SLC39A10: variants seen among roughly 807,000 people sequenced by gnomAD.
SLC39A10 encodes the protein zinc transporter ZIP10.
In SLC39A10, 13 loss-of-function variants were observed where a neutral mutation model predicts 65.1. The ratio of observed to expected loss-of-function variants is 0.20; its 90% CI spans 0.13 to 0.32. SLC39A10 has a LOEUF of 0.32. Ranked by LOEUF, SLC39A10 falls within the 10% of genes least tolerant of loss-of-function variation. The probability of loss-of-function intolerance (pLI) is 1.00; values close to 1 mark genes in which losing one functional copy is unlikely to be tolerated. For missense variants in SLC39A10, 831 were observed against 1,018.4 expected, an observed-to-expected ratio of 0.82 and a Z score of 2.50; for synonymous variants, 321 against 342.2, an observed-to-expected ratio of 0.94 and a Z score of 0.68.
chr2:195,725,908 A>G (rs1271406779), intron 8 of SLC39A10, among the ~76,000 whole-genome samples: 2 of 152,320 alleles, frequency 1.3e-5, no homozygotes, highest in East Asian at 1.9e-4. Context: ...AGGCAAAATT[A>G]CAGGAACAGA....
Position 195,657,499 on chromosome 2 carries a change from G to C in SLC39A10, c.-12+218G>C, listed in dbSNP as rs1689194202. On this transcript the variant is annotated intron_variant, in intron 1 of 9. Coordinates refer to ENST00000359634, the MANE Select transcript of SLC39A10 (RefSeq NM_020342.3). ...AGAGCGCGTGGTGGGCAGAGTGTTG[G>C]GCGCCGCGGCTCCTCGTGTGCGGTC... 7 of 985,480 alleles carry C rather than the reference G, an allele frequency of 7.1e-6. No individual in the cohort carries two copies. In the South Asian group the frequency reaches 2.8e-4, roughly 40 times the overall value. The allele number at this position is 985,480 out of a possible 1,614,324, so 61.0% of individuals were successfully genotyped here. A position where few individuals can be genotyped will look rare whatever the true frequency, so the allele number is the denominator to read the frequency against.
In SLC39A10 at chr2:195,649,003, T is replaced by C. The variant is rs1008691947; in HGVS notation, c.-11-31029T>C. Among the ~76,000 whole-genome samples the C allele has an allele frequency of 1.1e-4, 17 of 152,268 alleles. 1 individual carries two copies. Among genetic ancestry groups the C allele is most frequent in the Non-Finnish European group, 1.8e-4 (12 of 68,014 alleles). On this transcript the variant is annotated intron_variant, in intron 2 of 2. Transcript: ENST00000458054. ...ATGAAACTTGGGTGTGATGAAATCATTGGAGGCTGTAGGTGAGATCATCTA... is the reference window on the plus strand; with the variant it reads ...ATGAAACTTGGGTGTGATGAAATCACTGGAGGCTGTAGGTGAGATCATCTA...
At chr2:195,697,832 A>G (rs1691026632) in intron 3 of SLC39A10, among the ~76,000 whole-genome samples, 1 of 152,192 alleles carries the variant, frequency 6.6e-6, no homozygotes, top group South Asian at 2.1e-4. Context: ...GCTCCACATC[A>G]CTGATTATTA....
upstream of SLC39A10, among the ~76,000 whole-genome samples, chr2:195,652,616 T>C (rs984161659): frequency 6.6e-6 from 1 of 151,510 alleles, no homozygotes; most frequent in Non-Finnish European, 1.5e-5. Flanking sequence ...AAGGTTCTTA[T>C]TATGCCGATG....
chr2:195,735,291 T>C lies in SLC39A10; in HGVS notation c.*250T>C. 1 of 303,330 alleles carries C rather than the reference T, an allele frequency of 3.3e-6. No individual in the cohort carries two copies. Among genetic ancestry groups the C allele is most frequent in the Non-Finnish European group, 6.0e-6 (1 of 166,660 alleles). The allele number at this position is 303,330 out of a possible 1,614,324, so 18.8% of individuals were successfully genotyped here. ...GACTCCATGAACCAGTGTTGATATG[T>C]TTGATTAAGACTTTTCACAAAATAA... On this transcript the variant is annotated 3_prime_UTR_variant, in exon 10 of 10. Coordinates refer to ENST00000359634, the MANE Select transcript of SLC39A10 (RefSeq NM_020342.3).
At chr2:195,699,838 G>C (rs1691109211) in intron 3 of SLC39A10, among the ~76,000 whole-genome samples, 1 of 152,076 alleles carries the variant, frequency 6.6e-6, no homozygotes, top group Non-Finnish European at 1.5e-5. Flanking sequence ...CTGCTGGATA[G>C]CTGTTTTATT....
chr2:195,690,138 T>C (rs949041582), intron 3 of SLC39A10, among the ~76,000 whole-genome samples: 2 of 114,050 alleles, frequency 1.8e-5, no homozygotes, highest in Admixed American at 1.3e-4. Flanking sequence ...ATCACACCAC[T>C]GCACTCCAGA....
intron 2 of SLC39A10, among the ~76,000 whole-genome samples, chr2:195,683,331 A>C (rs932094655): frequency 6.6e-6 from 1 of 152,070 alleles, no homozygotes; most frequent in Non-Finnish European, 1.5e-5. Flanking sequence ...AAATCTATTT[A>C]ATCTGTTTCA....
upstream of SLC39A10, among the ~76,000 whole-genome samples, chr2:195,655,363 C>T (rs1689124409): frequency 6.6e-6 from 1 of 152,128 alleles, no homozygotes; most frequent in African/African-American, 2.4e-5. Context: ...ACTAAAAAAG[C>T]AGTGTAGGTG....
intron 2 of SLC39A10, among the ~76,000 whole-genome samples, chr2:195,617,704 C>CGTTTCTTTTATTTTATTTTA (rs1688247313): frequency 7.2e-6 from 1 of 138,034 alleles, no homozygotes; most frequent in Non-Finnish European, 1.6e-5. Flanking sequence ...GACCTTGTTT[C>CGTTTCTTTTATTTTATTTTA]TTTTCTTTTC....
chr2:195,718,982 G>A (rs928840924), intron 8 of SLC39A10, among the ~76,000 whole-genome samples: 2 of 151,674 alleles, frequency 1.3e-5, no homozygotes, highest in Non-Finnish European at 2.9e-5. Context: ...AATCTAGTAT[G>A]TGTTTCTTAT....
At chr2:195,687,919 G>C (rs1174095499) in intron 3 of SLC39A10, among the ~76,000 whole-genome samples, 1 of 152,226 alleles carries the variant, frequency 6.6e-6, no homozygotes, top group Non-Finnish European at 1.5e-5. Flanking sequence ...TGCTGAAGCA[G>C]TGTAGAAAAC....
chr2:195,693,555 C>G (rs181525417), intron 3 of SLC39A10, among the ~76,000 whole-genome samples: 32 of 152,060 alleles, frequency 2.1e-4, no homozygotes, highest in Middle Eastern at 3.4e-3. Flanking sequence ...AGGAATTTAT[C>G]CATCTCATCT....
intron 6 of SLC39A10, among the ~76,000 whole-genome samples, chr2:195,715,157 GAA>G (rs1210579023): frequency 6.6e-6 from 1 of 152,070 alleles, no homozygotes; most frequent in Non-Finnish European, 1.5e-5. Flanking sequence ...TGATTTTAAA[GAA>G]AATAAGTGAT....
At chr2:195,620,997 T>G (rs1269548361) in intron 2 of SLC39A10, among the ~76,000 whole-genome samples, 2 of 152,188 alleles carry the variant, frequency 1.3e-5, no homozygotes, top group African/African-American at 4.8e-5. Context: ...AGAGAATCCT[T>G]GCTCCAAAAA....
intron 5 of SLC39A10, among the ~76,000 whole-genome samples, chr2:195,713,184 C>T (rs549940869): frequency 3.2e-4 from 49 of 152,232 alleles, no homozygotes; most frequent in Non-Finnish European, 6.6e-4. Flanking sequence ...GTACTGTGTG[C>T]TCTGTTCTTA....
chr2:195,722,599 C>G (rs921054441), intron 8 of SLC39A10, among the ~76,000 whole-genome samples: 5 of 152,202 alleles, frequency 3.3e-5, no homozygotes. Flanking sequence ...ATACAAGCTT[C>G]TTCCTCAGAA....
At chr2:195,724,134 G>A (rs1209064846) in intron 8 of SLC39A10, among the ~76,000 whole-genome samples, 2 of 152,054 alleles carry the variant, frequency 1.3e-5, no homozygotes, top group Non-Finnish European at 2.9e-5. Flanking sequence ...CAAGAATAAA[G>A]AACCTTAAAA....
At chr2:195,722,276 T>C (rs1574314404) in intron 8 of SLC39A10, among the ~76,000 whole-genome samples, 1 of 152,188 alleles carries the variant, frequency 6.6e-6, no homozygotes, top group Admixed American at 6.5e-5. Flanking sequence ...TGTGCATTTT[T>C]CCTAATGTTA....
Sources: allele counts gnomAD v4.1 joint callset (sites outside exome capture counted in the v4.1 genomes callset), GRCh38; gene constraint gnomAD v4.1.1; transcripts MANE v1.5; gene names NCBI Gene and HGNC (gene_info 2026-07-23, HGNC 2026-07-21).